Variants in BABAM2 observed in about 807,000 individuals in gnomAD.
The protein encoded by BABAM2 is BRISC and BRCA1-A complex member 2.
A neutral mutation model predicts 54.7 loss-of-function variants in BABAM2; 31 were observed. The ratio of observed to expected loss-of-function variants is 0.57; its 90% CI spans 0.43 to 0.77. BABAM2 has a LOEUF of 0.77. Among genes scored for constraint, BABAM2 ranks in the 30% least tolerant of loss-of-function variants. The pLI is 0.00. For missense variants in BABAM2, 364 were observed against 455.8 expected (o/e 0.80, Z 1.83); for synonymous variants, 167 against 162.9 (o/e 1.03, Z -0.19).
At chr2:28,245,187 C>T (rs72784732) in intron 10 of BABAM2, among the ~76,000 whole-genome samples, 19,354 of 151,920 alleles carry the variant, frequency 0.13, 1,458 homozygotes, top group African/African-American at 0.21. Context: ...CACATGACAG[C>T]CCCTCACACA....
At chr2:28,179,983 A>G (rs1378011788) in intron 7 of BABAM2, among the ~76,000 whole-genome samples, 1 of 152,148 alleles carries the variant, frequency 6.6e-6, no homozygotes, top group Non-Finnish European at 1.5e-5. Context: ...AAGCAAATTG[A>G]AAAACAGCCT....
chr2:28,061,337 G>A (rs1678844442), intron 6 of BABAM2, among the ~76,000 whole-genome samples: 1 of 151,770 alleles, frequency 6.6e-6, no homozygotes, highest in South Asian at 2.1e-4. Flanking sequence ...TGTAATCCCA[G>A]CACTTTGAGA....
intron 10 of BABAM2, among the ~76,000 whole-genome samples, chr2:28,246,155 G>T (rs116073863): frequency 6.6e-6 from 1 of 152,112 alleles, no homozygotes; most frequent in Non-Finnish European, 1.5e-5. Flanking sequence ...ACAGTGTGGG[G>T]CCAGGTAAGG....
chr2:28,140,175 A>T (rs1332276368), intron 7 of BABAM2, among the ~76,000 whole-genome samples: 1 of 151,804 alleles, frequency 6.6e-6, no homozygotes, highest in Non-Finnish European at 1.5e-5. Context: ...TGAAGTCTGA[A>T]CTCTAAGTCT....
intron 11 of BABAM2, among the ~76,000 whole-genome samples, chr2:28,317,294 A>G (rs1689639634): frequency 6.6e-6 from 1 of 152,184 alleles, no homozygotes; most frequent in Non-Finnish European, 1.5e-5. Flanking sequence ...TCAGGGGAAT[A>G]ATTCATCCAC....
At chr2:28,031,214 C>T (rs1676269932) in intron 5 of BABAM2, among the ~76,000 whole-genome samples, 2 of 152,106 alleles carry the variant, frequency 1.3e-5, no homozygotes, top group Non-Finnish European at 2.9e-5. Flanking sequence ...GACTTATGCT[C>T]CTTTCTTAGT....
intron 4 of BABAM2, among the ~76,000 whole-genome samples, chr2:28,015,597 A>G (rs185861733): frequency 4.3e-4 from 66 of 152,358 alleles, no homozygotes; most frequent in Admixed American, 2.5e-3. Flanking sequence ...CCTTTCACAC[A>G]GTGGCATCTG....
intron 11 of BABAM2, among the ~76,000 whole-genome samples, chr2:28,320,330 A>G (rs1450502238): frequency 2.6e-5 from 4 of 152,244 alleles, no homozygotes; most frequent in Non-Finnish European, 4.4e-5. Context: ...GCAGAGCACC[A>G]TGCTAAGGAA....
chr2:27,888,823 G>C (rs1043032873), upstream of BABAM2, among the ~76,000 whole-genome samples: 2 of 152,086 alleles, frequency 1.3e-5, no homozygotes, highest in Non-Finnish European at 2.9e-5. Context: ...CATACGGCTT[G>C]CAAAGCCTAA....
At chr2:28,045,020 A>G (rs1325250304) in intron 5 of BABAM2, among the ~76,000 whole-genome samples, 1 of 151,922 alleles carries the variant, frequency 6.6e-6, no homozygotes, top group Non-Finnish European at 1.5e-5. Context: ...GTGATTCCCT[A>G]GGCTTTCCTG....
chr2:28,127,234 C>T (rs1293133302), intron 6 of BABAM2, among the ~76,000 whole-genome samples: 2 of 151,836 alleles, frequency 1.3e-5, no homozygotes, highest in Admixed American at 6.6e-5. Context: ...AGAAAGAAAA[C>T]GGAAAGGGAA....
At chr2:27,905,520 C>T (rs2148289828) in intron 2 of BABAM2, among the ~76,000 whole-genome samples, 1 of 152,074 alleles carries the variant, frequency 6.6e-6, no homozygotes, top group East Asian at 1.9e-4. Context: ...TACAGTAGTG[C>T]TTGGTCATAA....
At chr2:28,104,255 A>G (rs1318303080) in intron 6 of BABAM2, among the ~76,000 whole-genome samples, 2 of 152,222 alleles carry the variant, frequency 1.3e-5, no homozygotes, top group African/African-American at 4.8e-5. Context: ...GTGAACAGGC[A>G]ACCTACAGAA....
At chr2:27,932,997 C>T (rs957091566) in intron 3 of BABAM2, among the ~76,000 whole-genome samples, 5 of 152,114 alleles carry the variant, frequency 3.3e-5, no homozygotes, top group South Asian at 2.1e-4. Context: ...TATCATTTAA[C>T]GGGATTGGAG....
intron 3 of BABAM2, among the ~76,000 whole-genome samples, chr2:27,987,719 A>G (rs1467756064): frequency 6.6e-6 from 1 of 150,404 alleles, no homozygotes; most frequent in Non-Finnish European, 1.5e-5. Context: ...GGGGGCTGAG[A>G]TGGGAGAATT....
chr2:28,324,373 C>T (rs1228841117), intron 11 of BABAM2, among the ~76,000 whole-genome samples: 1 of 152,188 alleles, frequency 6.6e-6, no homozygotes, highest in Non-Finnish European at 1.5e-5. Context: ...GTGGACAGTA[C>T]ACTTGCCACT....
At chr2:28,330,755 T>A (rs1690880902) in intron 11 of BABAM2, among the ~76,000 whole-genome samples, 1 of 152,154 alleles carries the variant, frequency 6.6e-6, no homozygotes, top group Non-Finnish European at 1.5e-5. Flanking sequence ...TAGCCATACT[T>A]CCCAAAGCAA....
intron 6 of BABAM2, among the ~76,000 whole-genome samples, chr2:28,069,330 T>G (rs940245780): frequency 2.6e-5 from 4 of 152,216 alleles, no homozygotes; most frequent in African/African-American, 9.7e-5. Context: ...AATAAATATT[T>G]GTTGAGTACC....
intron 6 of BABAM2, among the ~76,000 whole-genome samples, chr2:28,070,556 C>CT (rs35933472): frequency 7.7e-4 from 113 of 147,162 alleles, no homozygotes; most frequent in Admixed American, 1.0e-3. Context: ...CTTTTCTTTT[C>CT]TTTTTTTTTT....
Sources: gnomAD v4.1 joint callset for allele counts (sites outside exome capture counted in the v4.1 genomes callset) on GRCh38, gnomAD v4.1.1 for gene constraint, MANE v1.5 for transcripts, NCBI Gene and HGNC (gene_info 2026-07-23, HGNC 2026-07-21) for gene names.